The following TRAK1 variants were observed in gnomAD, a reference collection of about 807,000 sequenced individuals.
TRAK1 encodes the protein trafficking kinesin-binding protein 1.
Under a neutral mutation model 92.1 loss-of-function variants are expected in TRAK1, and 33 were observed. The observed-to-expected ratio is 0.36, with a 90% CI of 0.27 to 0.48. The LOEUF (loss-of-function observed/expected upper bound fraction) is 0.48, where lower values mean the gene tolerates loss of function less well. TRAK1 is among the 20% of genes least tolerant of loss of function. The probability of loss-of-function intolerance (pLI) is 0.99; values close to 1 mark genes in which losing one functional copy is unlikely to be tolerated. For synonymous variants in TRAK1, 521 were observed against 517.3 expected, an observed-to-expected ratio of 1.01 and a Z score of -0.10; for missense variants, 1,123 against 1,257.9, an observed-to-expected ratio of 0.89 and a Z score of 1.62.
At chr3:42,065,377 GC>G (rs1460225142) in intron 1 of TRAK1, among the ~76,000 whole-genome samples, 1 of 152,146 alleles carries the variant, frequency 6.6e-6, no homozygotes, top group African/African-American at 2.4e-5. Flanking sequence ...CATTATACTT[GC>G]GGATTGAACA....
At chr3:42,176,924 T>C in intron 3 of TRAK1, 34 bp downstream of exon 3, 3 of 1,586,946 alleles carry the variant, frequency 1.9e-6, no homozygotes, top group Non-Finnish European at 2.6e-6. Flanking sequence ...AAGAGTTGTT[T>C]ATAATTGACT....
rs139530666 is a variant in TRAK1 at position 42,100,334 on chromosome 3, T to C, written c.91+8774T>C. ...GTGCGCCATGATTGTGCCACTGCAC[T>C]CCAGCCTGGATGACAGAGCAAGAGA... On this transcript the variant is annotated intron_variant, in intron 1 of 15. Transcript: ENST00000327628. Among the ~76,000 whole-genome samples the C allele has an allele frequency of 3.8e-3, 581 of 152,284 alleles. 3 individuals are homozygous for C. Among genetic ancestry groups the C allele is most frequent in the African/African-American group, 0.013 (555 of 41,548 alleles).
chr3:42,087,801 C>G (rs1453603859), upstream of TRAK1, among the ~76,000 whole-genome samples: 3 of 152,194 alleles, frequency 2.0e-5, no homozygotes, highest in African/African-American at 7.2e-5. Context: ...CATGCACTGT[C>G]ATTGTGGGAT....
intron 1 of TRAK1, among the ~76,000 whole-genome samples, chr3:42,023,399 C>T (rs944323580): frequency 1.3e-5 from 2 of 151,968 alleles, no homozygotes; most frequent in Non-Finnish European, 2.9e-5. Flanking sequence ...AGGCCCATGG[C>T]AGGGTTGGGT....
At chr3:42,054,691 A>G (rs80194901) in intron 1 of TRAK1, among the ~76,000 whole-genome samples, 13,180 of 152,152 alleles carry the variant, frequency 0.087, 630 homozygotes, top group Non-Finnish European at 0.11. Flanking sequence ...TTTTATATAT[A>G]GTAGAAATTG....
intron 6 of TRAK1, 106 bp from the exon 7 acceptor site, chr3:42,191,452 G>A: frequency 2.2e-6 from 2 of 909,514 alleles, no homozygotes; most frequent in South Asian, 1.7e-5. Context: ...GAATGCTAAG[G>A]GCAGCTTCCC....
chr3:42,093,287 G>A (rs1705368821), intron 1 of TRAK1, among the ~76,000 whole-genome samples: 1 of 151,828 alleles, frequency 6.6e-6, no homozygotes, highest in African/African-American at 2.4e-5. Flanking sequence ...GCAGAAAGGG[G>A]CCCTGTTATG....
intron 1 of TRAK1, among the ~76,000 whole-genome samples, chr3:42,124,848 G>T (rs1248459613): frequency 6.6e-6 from 1 of 152,184 alleles, no homozygotes; most frequent in Non-Finnish European, 1.5e-5. Context: ...GCCCCATAAG[G>T]ATATAAGTGT....
At chr3:42,093,711 C>CTT (rs565712104) in intron 1 of TRAK1, among the ~76,000 whole-genome samples, 10 of 48,252 alleles carry the variant, frequency 2.1e-4, no homozygotes, top group African/African-American at 6.2e-4. Context: ...CCTCCCCTTC[C>CTT]TTTTTTTTTT....
At chr3:42,134,653 C>G (rs1047500229) in intron 2 of TRAK1, among the ~76,000 whole-genome samples, 3 of 139,312 alleles carry the variant, frequency 2.2e-5, no homozygotes, top group African/African-American at 8.1e-5. Flanking sequence ...GTGGTGCGAT[C>G]TCAGCTCACT....
At chr3:42,219,737 T>C in intron 15 of TRAK1, 141 bp downstream of exon 15, 1 of 774,960 alleles carries the variant, frequency 1.3e-6, no homozygotes. Context: ...ATCTCAGCAT[T>C]TGCAGGCACT....
chr3:42,035,576 T>C (rs1422262438), intron 1 of TRAK1, among the ~76,000 whole-genome samples: 1 of 152,234 alleles, frequency 6.6e-6, no homozygotes, highest in African/African-American at 2.4e-5. Flanking sequence ...TACGTTTTCC[T>C]GACACTTCTT....
Position 42,189,013 on chromosome 3 carries a change from C to G in TRAK1, c.582-3C>G, listed in dbSNP as rs1198067509. The G allele has an allele frequency of 2.5e-6, 4 of 1,607,626 alleles. No individual in the cohort carries two copies. Among genetic ancestry groups the G allele is most frequent in the Non-Finnish European group, 3.4e-6 (4 of 1,174,146 alleles). Reference sequence around the variant, plus strand: ...TAGGTTGTGAGCGTACTTTCTCCCCCAGGTTGAAGAGGAATGAGTCGTCCT... The same window carrying G: ...TAGGTTGTGAGCGTACTTTCTCCCCGAGGTTGAAGAGGAATGAGTCGTCCT... On this transcript the variant is annotated splice_region_variant and splice_polypyrimidine_tract_variant and intron_variant, in intron 5 of 15. Coordinates refer to ENST00000327628, the MANE Select transcript of TRAK1 (RefSeq NM_001042646.3).
rs34248438 is a variant in TRAK1 at position 42,202,761 on chromosome 3, G to A, written c.1744+9G>A. 160 of 1,613,260 alleles carry A rather than the reference G, an allele frequency of 9.9e-5. No homozygotes were observed. The East Asian group carries it at 1.8e-3, about 18-fold the overall frequency. On this transcript the variant is annotated intron_variant, in intron 13 of 15. Transcript: ENST00000327628. The surrounding 1 kb of genome is among the most constrained non-coding windows in gnomAD (Gnocchi z 6.1). Reference sequence around the variant, plus strand: ...CGTGAAGCCGCTGGAAGGTGATCACGCGGGGCCTCGGCCCCTCTCTGTCCT... The same window carrying A: ...CGTGAAGCCGCTGGAAGGTGATCACACGGGGCCTCGGCCCCTCTCTGTCCT...
chr3:42,118,081 G>A (rs1260736334), intron 1 of TRAK1, among the ~76,000 whole-genome samples: 5 of 151,900 alleles, frequency 3.3e-5, no homozygotes, highest in Admixed American at 2.0e-4. Flanking sequence ...GCCTCCCAAA[G>A]TGCTGTATTT....
chr3:42,014,832 A>G (rs1343269013), intron 1 of TRAK1, among the ~76,000 whole-genome samples: 2 of 149,364 alleles, frequency 1.3e-5, no homozygotes, highest in South Asian at 2.1e-4. Context: ...GATATGCTTC[A>G]CTGGAACTTT....
At chr3:42,068,573 A>G (rs1576230863) in intron 1 of TRAK1, among the ~76,000 whole-genome samples, 1 of 152,224 alleles carries the variant, frequency 6.6e-6, no homozygotes, top group African/African-American at 2.4e-5. Flanking sequence ...ACCGTGTTCC[A>G]GGCACTGAGG....
intron 2 of TRAK1, among the ~76,000 whole-genome samples, chr3:42,161,040 C>T (rs919096473): frequency 2.0e-5 from 3 of 152,168 alleles, no homozygotes; most frequent in African/African-American, 7.2e-5. Flanking sequence ...AATCACTTAT[C>T]TGAAATAAAG....
chr3:42,193,038 C>T, intron 7 of TRAK1, 37 bp from the exon 8 acceptor site: 2 of 1,609,382 alleles, frequency 1.2e-6, no homozygotes, highest in Non-Finnish European at 1.7e-6. Flanking sequence ...GTGTGGTTTT[C>T]TGACTTCCTC....
Sources: gnomAD v4.1 joint callset for allele counts (sites outside exome capture counted in the v4.1 genomes callset) on GRCh38, gnomAD v4.1.1 for gene constraint, Gnocchi (gnomAD v3.1) non-coding constraint, MANE v1.5 for transcripts, NCBI Gene and HGNC (gene_info 2026-07-23, HGNC 2026-07-21) for gene names.